The following MGAM variants were observed in gnomAD, a reference collection of about 807,000 sequenced individuals.
MGAM encodes maltase-glucoamylase, also known as alpha-1,4-glucosidase.
A neutral mutation model predicts 358.8 loss-of-function variants in MGAM; 253 were observed. The observed-to-expected ratio is 0.71, with a 90% CI of 0.64 to 0.78. The LOEUF (loss-of-function observed/expected upper bound fraction) is 0.78. MGAM is among the 30% of genes least tolerant of loss of function. The pLI, the probability that MGAM is intolerant of heterozygous loss-of-function variation, is 0.00. For synonymous variants in MGAM, 1,105 were observed against 1,227.1 expected, an observed-to-expected ratio of 0.90 and a Z score of 2.08; for missense variants, 3,080 against 3,432.6, an observed-to-expected ratio of 0.90 and a Z score of 2.57.
At chr7:142,043,760 A>T (rs199577103) in intron 21 of MGAM, among the ~76,000 whole-genome samples, 2 of 74,176 alleles carry the variant, frequency 2.7e-5, no homozygotes, top group South Asian at 3.7e-4. Flanking sequence ...CATACGACAT[A>T]TAATATATAC....
Position 142,083,347 on chromosome 7 carries a change from G to A in MGAM, c.6315G>A (p.Gly2105=). ...CTGCCTTGACATACCGTACCACAGG[G>A]GGAGTTCTGGACTTTTATGTGTTCT... ...PLPALTYRTT[G]GVLDFYVFLG... The change falls in exon 53 of 71, where the codon GGG becomes GGA. Residue 2105 remains glycine (G), a synonymous_variant. Coordinates refer to ENST00000475668, the MANE Select transcript of MGAM (RefSeq NM_001365693.1). 1 of 1,554,224 alleles carries A rather than the reference G, an allele frequency of 6.4e-7. No individual in the cohort carries two copies. The highest frequency in any genetic ancestry group is 8.8e-7 in the Non-Finnish European group (1 of 1,131,636).
chr7:142,034,208 G>T, intron 14 of MGAM, 54 bp from the exon 15 acceptor site: 1 of 1,320,554 alleles, frequency 7.6e-7, no homozygotes, highest in South Asian at 1.3e-5. Flanking sequence ...GATAGTCAAG[G>T]AGCAGAAAAT....
rs1261783923 is a variant in MGAM at position 142,045,182 on chromosome 7, T to C, written c.2499-2603T>C. ...TATATAATATATATATTATATAACA[T>C]ATATGATATATAATATATATTATAT... On this transcript the variant is annotated intron_variant, in intron 21 of 70. Transcript: ENST00000475668. Among the ~76,000 whole-genome samples the C allele has an allele frequency of 2.4e-4, 19 of 78,828 alleles. 1 individual carries two copies. Among genetic ancestry groups the C allele is most frequent in the Non-Finnish European group, 4.0e-4 (18 of 44,922 alleles). 51.7% of individuals were successfully genotyped at this position (78,828 alleles called of 152,430 possible).
intron 68 of MGAM, among the ~76,000 whole-genome samples, chr7:142,101,183 G>A (rs1816411264): frequency 1.3e-5 from 2 of 152,142 alleles, no homozygotes. Context: ...ACTTTCATAG[G>A]ATTTATGGTC....
chr7:142,014,621 T>C (rs1436411656), intron 3 of MGAM, among the ~76,000 whole-genome samples: 2 of 152,096 alleles, frequency 1.3e-5, no homozygotes, highest in East Asian at 3.9e-4. Flanking sequence ...TCCATCCTCT[T>C]TAGAAGTAAC....
chr7:142,062,708 T>G lies in MGAM; in HGVS notation c.4257+6T>G. ...AGTTTGATGGCATGTGGATTGTAAG[T>G]GTGTGTGTGTCTCTGTGTACCAGTG... On this transcript the variant is annotated splice_donor_region_variant and intron_variant, in intron 35 of 70. Coordinates refer to ENST00000475668, the MANE Select transcript of MGAM (RefSeq NM_001365693.1). 2 of 1,605,582 alleles carry G rather than the reference T, an allele frequency of 1.2e-6. No homozygotes were observed. The highest frequency in any genetic ancestry group is 1.7e-6 in the Non-Finnish European group (2 of 1,176,012).
intron 57 of MGAM, among the ~76,000 whole-genome samples, chr7:142,088,795 A>T (rs1464827366): frequency 3.6e-5 from 4 of 112,352 alleles, no homozygotes; most frequent in East Asian, 5.6e-4. Context: ...CTATCTATCT[A>T]TCTATCATTC....
At position 142,093,470 on chromosome 7, in the gene MGAM, G is replaced by T; in HGVS notation, c.7092G>T (p.Gln2364His). The T allele has an allele frequency of 1.3e-6, 2 of 1,530,490 alleles. No homozygotes were observed. Among genetic ancestry groups the T allele is most frequent in the South Asian group, 2.3e-5 (2 of 85,110 alleles). 94.8% of individuals were successfully genotyped at this position (1,530,490 alleles called of 1,614,324 possible). ...SSKTLCMESQ[Q>H]ILPDGSPVQH... The stretch of plus-strand genomic sequence containing the variant: ...AGACCCTGTGCATGGAGAGTCAGCA[G>T]ATCCTCCCAGACGGCTCCCCGGTGC... Residue 2364 changes from glutamine to histidine, a missense_variant, in exon 60 of 71, where the codon CAG becomes CAT. Gln to His is a conservative substitution (Grantham distance 24, BLOSUM62 0). Coordinates refer to ENST00000475668, the MANE Select transcript of MGAM (RefSeq NM_001365693.1).
chr7:142,086,193 C>T (rs2129055386), intron 55 of MGAM, 25 bp from the exon 56 acceptor site: 1 of 1,502,718 alleles, frequency 6.7e-7, no homozygotes, highest in East Asian at 2.4e-5. Context: ...TGATTTTTCC[C>T]AACTGACTTA....
At position 142,095,697 on chromosome 7, in the gene MGAM, C is replaced by T. The variant is rs868391857; in HGVS notation, c.7591C>T (p.Arg2531Trp). Reference sequence around the variant, plus strand: ...CCACACGGAGGGCGTCACTGTTGTGCGGCCTCTGCTCCATGAGTGAGTGTC... The same window carrying T: ...CCACACGGAGGGCGTCACTGTTGTGTGGCCTCTGCTCCATGAGTGAGTGTC... The part of the protein sequence containing the change: ...KAHTEGVTVV[R>W]PLLHEFVSDQ... Residue 2531 changes from arginine to tryptophan, a missense_variant, in exon 64 of 71, where the codon CGG (arginine) becomes TGG (tryptophan). Arg to Trp is a moderately radical substitution (Grantham distance 101). This residue lies in a region of MGAM where 932 missense variants were observed against 1,198.2 expected (regional missense o/e 0.78). Coordinates refer to ENST00000475668, the MANE Select transcript of MGAM (RefSeq NM_001365693.1). The T allele has an allele frequency of 2.5e-6, 4 of 1,613,956 alleles. No individual in the cohort carries two copies. Among genetic ancestry groups the T allele is most frequent in the South Asian group, 1.1e-5 (1 of 91,074 alleles).
chr7:142,036,356 C>A, intron 17 of MGAM, 71 bp downstream of exon 17: 2 of 1,214,212 alleles, frequency 1.6e-6, no homozygotes, highest in African/African-American at 1.5e-5. Context: ...TGCATCCTTG[C>A]CAAGAGATCT....
chr7:141,994,689 T>A (rs1222425139), upstream of MGAM, among the ~76,000 whole-genome samples: 1 of 152,204 alleles, frequency 6.6e-6, no homozygotes, highest in Non-Finnish European at 1.5e-5. Context: ...TGTGATTGGA[T>A]CATGGGGGCG....
rs374886644 is a variant in MGAM at position 142,053,000 on chromosome 7, G to A, written c.3159+16G>A. On this transcript the variant is annotated intron_variant, in intron 26 of 70. Transcript: ENST00000475668. ...GCAGTTCAAGGTAAACACAGTACAT[G>A]TATCAGGTAGTGATTAGACCCTTTT... The A allele has an allele frequency of 6.8e-6, 11 of 1,611,738 alleles. No individual in the cohort carries two copies. The African/African-American group carries it at 9.4e-5, about 14-fold the overall frequency.
chr7:141,995,988 G>A (rs1804196037), intron 1 of MGAM, 58 bp downstream of exon 1: 1 of 152,198 alleles, frequency 6.6e-6, no homozygotes, highest in South Asian at 2.1e-4. Flanking sequence ...ACAAGTGTGT[G>A]TGAATTTGAG....
Position 142,086,342 on chromosome 7 carries a change from C to T in MGAM, c.6747+14C>T, listed in dbSNP as rs151141869. The stretch of plus-strand genomic sequence containing the variant: ...GTCTGGGGAAAGGTATAATCCTAAG[C>T]GATGATCCAGTAGTCCCTAGCCTGA... On this transcript the variant is annotated intron_variant, in intron 56 of 70. Coordinates refer to ENST00000475668, the MANE Select transcript of MGAM (RefSeq NM_001365693.1). The T allele has an allele frequency of 3.6e-3, 5,410 of 1,501,382 alleles. 766 individuals are homozygous for T. The highest frequency in any genetic ancestry group is 0.019 in the Admixed American group (1,023 of 52,694). The allele number at this position is 1,501,382 out of a possible 1,614,324, so 93.0% of individuals were successfully genotyped here.
intron 21 of MGAM, among the ~76,000 whole-genome samples, chr7:142,045,184 TATG>T (rs558135466): frequency 0.013 from 979 of 76,034 alleles, 25 homozygotes; most frequent in African/African-American, 0.06. Flanking sequence ...ATATAACATA[TATG>T]ATATATAATA....
At chr7:142,099,412 A>T (rs1431051246) in intron 66 of MGAM, among the ~76,000 whole-genome samples, 1 of 152,224 alleles carries the variant, frequency 6.6e-6, no homozygotes, top group Admixed American at 6.5e-5. Flanking sequence ...CAAAGGCAAG[A>T]GACCCTAACA....
chr7:142,047,818 A>G lies in MGAM; in HGVS notation c.2532A>G (p.Leu844=), dbSNP rs184251058. 8.6e-4 allele frequency: 1,388 copies of G among 1,612,602 alleles called. 12 individuals are homozygous for G. In the East Asian group the frequency reaches 0.022, roughly 25 times the overall value. ...RKNPLGLIIA[L]DENKEAKGEL... is the part of the protein sequence containing the mutation. ...ACCCTCTTGGTCTTATCATTGCCCTAGATGAGAACAAAGAAGCAAAAGGAG... is the reference window on the plus strand; with the variant it reads ...ACCCTCTTGGTCTTATCATTGCCCTGGATGAGAACAAAGAAGCAAAAGGAG... The change falls in exon 22 of 71, where the codon CTA becomes CTG. Residue 844 remains leucine, a synonymous_variant. Transcript: ENST00000475668.
At chr7:142,060,000 G>T in intron 33 of MGAM, 34 bp downstream of exon 33, 1 of 1,558,812 alleles carries the variant, frequency 6.4e-7, no homozygotes, top group Non-Finnish European at 8.7e-7. Flanking sequence ...CTAGTCCCCA[G>T]CCTGAGGGTG....
Sources: allele counts gnomAD v4.1 joint callset (sites outside exome capture counted in the v4.1 genomes callset), GRCh38; gene constraint gnomAD v4.1.1; regional missense constraint gnomAD v4.1.1; transcripts MANE v1.5; gene names NCBI Gene and HGNC (gene_info 2026-07-23, HGNC 2026-07-21).